Variants in PTPRN2 observed in about 807,000 individuals in gnomAD.
PTPRN2 encodes the protein receptor-type tyrosine-protein phosphatase N2.
Under a neutral mutation model 118.8 loss-of-function variants are expected in PTPRN2, and 74 were observed. That is an observed-to-expected ratio of 0.62 (90% CI 0.52 to 0.76). The LOEUF (loss-of-function observed/expected upper bound fraction) is 0.76. Among genes scored for constraint, PTPRN2 ranks in the 30% least tolerant of loss-of-function variants. The pLI, the probability that PTPRN2 is intolerant of heterozygous loss-of-function variation, is 0.00. For missense variants in PTPRN2, 1,481 were observed against 1,394.4 expected (o/e 1.06, Z -0.99); for synonymous variants, 641 against 608.0 (o/e 1.05, Z -0.80).
In PTPRN2 at chr7:157,967,868, G is replaced by A. The variant is rs1192838015; in HGVS notation, c.1724-69131C>T. ...GGTCTGGGCAGCCACAAAGCTATGG[G>A]ACACAAGTCCATGGAGGTCCAATGA... is the stretch of plus-strand genomic sequence containing the variant. On this transcript the variant is annotated intron_variant, in intron 11 of 22. Transcript: ENST00000389418. 3.3e-5 allele frequency among the ~76,000 whole-genome samples: 5 copies of A among 152,210 alleles called. No individual in the cohort carries two copies. In the East Asian group the frequency reaches 9.6e-4, roughly 29 times the overall value.
chr7:157,565,304 G>T (rs1181354804), intron 21 of PTPRN2, among the ~76,000 whole-genome samples: 1 of 152,242 alleles, frequency 6.6e-6, no homozygotes, highest in Non-Finnish European at 1.5e-5. Context: ...AGTTTAAAAG[G>T]TCGCTCCAGC....
At chr7:158,580,918 C>G (rs907476531) in intron 1 of PTPRN2, among the ~76,000 whole-genome samples, 1 of 152,144 alleles carries the variant, frequency 6.6e-6, no homozygotes, top group African/African-American at 2.4e-5. Context: ...CATCAAAATT[C>G]CCTCAGAAGG....
At chr7:157,829,318 G>A (rs56401950) in intron 12 of PTPRN2, among the ~76,000 whole-genome samples, 19,836 of 152,018 alleles carry the variant, frequency 0.13, 2,367 homozygotes, top group African/African-American at 0.31. Flanking sequence ...AAGAGATGAG[G>A]CCTCGCCACT....
At chr7:157,825,433 G>A (rs769017295) in intron 12 of PTPRN2, among the ~76,000 whole-genome samples, 19 of 152,146 alleles carry the variant, frequency 1.2e-4, no homozygotes, top group Non-Finnish European at 2.5e-4. Flanking sequence ...TCTTCCACAG[G>A]AAATGAAAGT....
intron 14 of PTPRN2, among the ~76,000 whole-genome samples, chr7:157,628,246 C>T (rs1197674470): frequency 6.6e-6 from 1 of 152,202 alleles, no homozygotes; most frequent in Non-Finnish European, 1.5e-5. Context: ...AGAATGTGTT[C>T]ACAATGTATT....
intron 2 of PTPRN2, among the ~76,000 whole-genome samples, chr7:158,471,187 AAGGCCAGCACGAG>A (rs1163505165): frequency 1.3e-5 from 2 of 152,156 alleles, no homozygotes; most frequent in Non-Finnish European, 2.9e-5. Flanking sequence ...ACAATAGGAA[AAGGCCAGCACGAG>A]AGGCCAGCAC....
At chr7:157,642,167 C>A (rs1804710620) in intron 14 of PTPRN2, among the ~76,000 whole-genome samples, 1 of 152,202 alleles carries the variant, frequency 6.6e-6, no homozygotes, top group African/African-American at 2.4e-5. Flanking sequence ...AGTGTTTCTC[C>A]AGCCCTTCAC....
intron 12 of PTPRN2, among the ~76,000 whole-genome samples, chr7:157,875,018 CACAG>C (rs1161724409): frequency 2.0e-5 from 3 of 151,878 alleles, no homozygotes; most frequent in South Asian, 4.2e-4. Context: ...CACACAGACA[CACAG>C]ACACACGCAG....
intron 11 of PTPRN2, among the ~76,000 whole-genome samples, chr7:158,064,246 G>C (rs1810581896): frequency 1.3e-5 from 2 of 152,220 alleles, no homozygotes. Flanking sequence ...ATTGACTCTG[G>C]CAACCTGAAC....
chr7:158,056,089 G>T (rs1352694857), intron 11 of PTPRN2, among the ~76,000 whole-genome samples: 1 of 152,186 alleles, frequency 6.6e-6, no homozygotes. Context: ...GGAGGCTCTT[G>T]CTCTGCTCTA....
rs1554510868 is a variant in PTPRN2 at position 158,467,283 on chromosome 7, G to GT, written c.163+22451dup. Reference sequence around the variant, plus strand: ...GGTTTGGGGGTTTTTTGGCTTTTGGGTTTTTTTTGTGTGTTGTTTGTTTGT... The same window carrying GT: ...GGTTTGGGGGTTTTTTGGCTTTTGGGTTTTTTTTTGTGTGTTGTTTGTTTGT... On this transcript the variant is annotated intron_variant, in intron 2 of 22. Coordinates refer to ENST00000389418, the MANE Select transcript of PTPRN2 (RefSeq NM_002847.5). 6.6e-5 allele frequency among the ~76,000 whole-genome samples: 5 copies of GT among 75,698 alleles called. No individual in the cohort carries two copies. In the East Asian group the frequency reaches 1.3e-3, roughly 19 times the overall value. 49.7% of individuals were successfully genotyped at this position (75,698 alleles called of 152,430 possible). A position where few individuals can be genotyped will look rare whatever the true frequency, so the allele number is the denominator to read the frequency against.
At chr7:158,398,494 AACAT>A (rs1812698248) in intron 2 of PTPRN2, among the ~76,000 whole-genome samples, 1 of 152,208 alleles carries the variant, frequency 6.6e-6, no homozygotes, top group Admixed American at 6.5e-5. Flanking sequence ...GAACAAAGAA[AACAT>A]ACATAAAGTA....
Position 158,133,881 on chromosome 7 carries a change from GTCTGGCTCTTGACGTTCTCCAC to G in PTPRN2, c.1330_1351del (p.Val444ArgfsTer65). On this transcript the variant is annotated frameshift_variant, in exon 9 of 23. Coordinates refer to ENST00000389418, the MANE Select transcript of PTPRN2 (RefSeq NM_002847.5). LOFTEE classifies it high-confidence loss of function. ...CTGCCCCAGCAGATCTTTGGAATAC[GTCTGGCTCTTGACGTTCTCCAC>G]TCCGGCAGTCTCCTCTTCTGAAGAC... The G allele has an allele frequency of 6.2e-7, 1 of 1,613,910 alleles. No individual in the cohort carries two copies. The highest frequency in any genetic ancestry group is 8.5e-7 in the Non-Finnish European group (1 of 1,180,050).
intron 22 of PTPRN2, among the ~76,000 whole-genome samples, chr7:157,546,883 G>A (rs767742976): frequency 4.6e-5 from 7 of 152,216 alleles, no homozygotes; most frequent in Non-Finnish European, 8.8e-5. Flanking sequence ...TTGTTCTGGC[G>A]AACAGGATAC....
At chr7:158,053,397 C>T (rs530095285) in intron 11 of PTPRN2, among the ~76,000 whole-genome samples, 10 of 152,252 alleles carry the variant, frequency 6.6e-5, no homozygotes, top group South Asian at 4.2e-4. Flanking sequence ...CAGCGAACTC[C>T]GATGTGGCTC....
intron 12 of PTPRN2, among the ~76,000 whole-genome samples, chr7:157,759,132 C>T (rs966988609): frequency 3.3e-5 from 5 of 152,224 alleles, no homozygotes; most frequent in Non-Finnish European, 5.9e-5. Flanking sequence ...GCCTGGGGTT[C>T]GAGTCCCTGG....
rs1189561239 is a variant in PTPRN2, at chr7:157,729,203, C to T, written c.1789-46266G>A. On this transcript the variant is annotated intron_variant, in intron 12 of 22. Transcript: ENST00000389418. The surrounding 1 kb of genome is among the most constrained non-coding windows in gnomAD (Gnocchi z 4.3). ...ATATAGAGTATTTCATTTTCTGCAT[C>T]TGCCCATCTTTGAATCTTCATGTAT... Among the ~76,000 whole-genome samples, 1 of 151,776 alleles carries T rather than the reference C, an allele frequency of 6.6e-6. No homozygotes were observed. The highest frequency in any genetic ancestry group is 2.4e-5 in the African/African-American group (1 of 41,304).
Position 157,587,531 on chromosome 7 carries a change from G to T in PTPRN2, c.2496+7707C>A, listed in dbSNP as rs1040940070. ...ACATCAAGCCTATCAATTTGGAAAT[G>T]AGAAAACATATCCCCCCAGCTGAGG... is the stretch of plus-strand genomic sequence containing the variant. On this transcript the variant is annotated intron_variant, in intron 17 of 22. Coordinates refer to ENST00000389418, the MANE Select transcript of PTPRN2 (RefSeq NM_002847.5). The surrounding 1 kb of genome is among the most constrained non-coding windows in gnomAD (Gnocchi z 5.3). 1.3e-5 allele frequency among the ~76,000 whole-genome samples: 2 copies of T among 152,352 alleles called. No individual in the cohort carries two copies. The highest frequency in any genetic ancestry group is 6.5e-5 in the Admixed American group (1 of 15,304).
At chr7:157,883,090 CACACCACCCCAAAATGACTGTCAGG>C (rs1254967505) in intron 12 of PTPRN2, among the ~76,000 whole-genome samples, 1 of 151,560 alleles carries the variant, frequency 6.6e-6, no homozygotes, top group African/African-American at 2.4e-5. Context: ...GAGACCAGAA[CACACCACCCCAAAATGACTGTCAGG>C]ACACCACCCC....
Sources: gnomAD v4.1 joint callset for allele counts (sites outside exome capture counted in the v4.1 genomes callset) on GRCh38, gnomAD v4.1.1 for gene constraint, Gnocchi (gnomAD v3.1) non-coding constraint, MANE v1.5 for transcripts, NCBI Gene and HGNC (gene_info 2026-07-23, HGNC 2026-07-21) for gene names.